FAXDC2: variants seen among roughly 807,000 people sequenced by gnomAD.
FAXDC2 encodes fatty acid hydroxylase domain containing 2.
FAXDC2 carries 41 observed loss-of-function variants against 40.9 expected under a neutral mutation model. That is an observed-to-expected ratio of 1.00 (90% confidence interval 0.78 to 1.30). The LOEUF is 1.30. Among genes scored for constraint, FAXDC2 ranks in the 50% most tolerant of loss-of-function variants. The probability of loss-of-function intolerance (pLI) is 0.00; values close to 1 mark genes in which losing one functional copy is unlikely to be tolerated. For synonymous variants in FAXDC2, 157 were observed against 149.3 expected (o/e 1.05, Z -0.38); for missense variants, 390 against 408.8 (o/e 0.95, Z 0.40).
At chr5:154,838,725 G>A (rs1760413193) in intron 1 of FAXDC2, 1 of 155,218 alleles carries the variant, frequency 6.4e-6, no homozygotes, top group Non-Finnish European at 1.4e-5. Flanking sequence ...AGCCTCCTGA[G>A]TAGCTGGGAC....
chr5:154,821,596 G>A (rs1268973437), intron 7 of FAXDC2, among the ~76,000 whole-genome samples, 170 bp from the exon 8 acceptor site: 2 of 152,102 alleles, frequency 1.3e-5, no homozygotes, highest in Non-Finnish European at 2.9e-5. Context: ...TTGTAACTTG[G>A]GACAAATTAC....
At chr5:154,843,691 AAGAT>A (rs1468080669) in intron 1 of FAXDC2, among the ~76,000 whole-genome samples, 2 of 152,354 alleles carry the variant, frequency 1.3e-5, no homozygotes, top group South Asian at 4.1e-4. Flanking sequence ...ATAGTTAAAC[AAGAT>A]AGATAGAAGA....
At chr5:154,845,201 C>T (rs1486589538) in intron 1 of FAXDC2, among the ~76,000 whole-genome samples, 1 of 152,194 alleles carries the variant, frequency 6.6e-6, no homozygotes, top group Non-Finnish European at 1.5e-5. Flanking sequence ...TGCCTCTCTG[C>T]CCGCCTGCAG....
intron 4 of FAXDC2, among the ~76,000 whole-genome samples, chr5:154,834,261 C>T (rs1760264054): frequency 6.6e-6 from 1 of 152,114 alleles, no homozygotes; most frequent in Non-Finnish European, 1.5e-5. Context: ...TGCTGTCAAG[C>T]ACTGACTGTA....
At chr5:154,842,518 T>G (rs1561660715) in intron 1 of FAXDC2, among the ~76,000 whole-genome samples, 2 of 110,154 alleles carry the variant, frequency 1.8e-5, no homozygotes, top group South Asian at 3.3e-4. Context: ...GTGTGTTTTT[T>G]TTTTTTTTTT....
intron 4 of FAXDC2, among the ~76,000 whole-genome samples, chr5:154,832,592 A>G (rs1760221741): frequency 6.6e-6 from 1 of 152,212 alleles, no homozygotes; most frequent in Admixed American, 6.5e-5. Flanking sequence ...CAAGGTGTCT[A>G]CCTACTTGGA....
Position 154,834,887 on chromosome 5 carries a change from G to A in FAXDC2, c.96C>T (p.Gly32=), listed in dbSNP as rs1487816593. 2.5e-6 allele frequency: 4 copies of A among 1,610,026 alleles called. No homozygotes were observed. Among genetic ancestry groups the A allele is most frequent in the Non-Finnish European group, 3.4e-6 (4 of 1,177,928 alleles). Reference sequence around the variant, plus strand: ...AGGCCACAAATGAGAGAAGTCCAGAGCCCAGGATGAAAGCTGTCCTCCTCA... The same window carrying A: ...AGGCCACAAATGAGAGAAGTCCAGAACCCAGGATGAAAGCTGTCCTCCTCA... ...GSMRRTAFIL[G]SGLLSFVAFW... The change falls in exon 3 of 9, where the codon GGC becomes GGT. Residue 32 remains glycine, a synonymous_variant. Coordinates refer to ENST00000326080, the MANE Select transcript of FAXDC2 (RefSeq NM_032385.5).
chr5:154,832,959 A>G (rs1415570944), intron 4 of FAXDC2, among the ~76,000 whole-genome samples: 4 of 152,164 alleles, frequency 2.6e-5, no homozygotes, highest in African/African-American at 4.8e-5. Context: ...TTTGCTTTAT[A>G]GCAACTGACA....
rs1760396579 is a variant in FAXDC2 at position 154,838,113 on chromosome 5, C to T, written c.48+18G>A. 1 of 1,562,422 alleles carries T rather than the reference C, an allele frequency of 6.4e-7. No individual in the cohort carries two copies. The highest frequency in any genetic ancestry group is 1.4e-5 in the African/African-American group (1 of 73,848). ...GACTACATTCTCACCAGTTTGGGGG[C>T]AAGGTGCTGGCATTTACCTGCTTTG... On this transcript the variant is annotated intron_variant, in intron 2 of 8. Transcript: ENST00000326080.
intron 1 of FAXDC2, among the ~76,000 whole-genome samples, chr5:154,847,163 C>CTAT (rs1368856078): frequency 6.6e-6 from 1 of 151,962 alleles, no homozygotes; most frequent in Admixed American, 6.6e-5. Flanking sequence ...TGGGGTCTCC[C>CTAT]TATGTTGCCC....
Position 154,820,457 on chromosome 5 carries a change from A to T in FAXDC2, c.861T>A (p.Tyr287Ter). The T allele has an allele frequency of 6.2e-7, 1 of 1,611,924 alleles. No individual in the cohort carries two copies. The highest frequency in any genetic ancestry group is 8.5e-7 in the Non-Finnish European group (1 of 1,178,966). The change falls in exon 9 of 9, where the codon TAT becomes TAA. Residue 287 changes from tyrosine (Y) to a stop codon, truncating the protein, a stop_gained. Coordinates refer to ENST00000326080, the MANE Select transcript of FAXDC2 (RefSeq NM_032385.5). LOFTEE classifies it high-confidence loss of function. ...GGTGGTCCAGCACACCCAGCACCCC[A>T]TAGCACTGGTTGAACCTAGAAGAGA... ...DYHHLKFNQC[Y>*]GVLGVLDHLH...
chr5:154,841,846 C>T (rs1185180454), intron 1 of FAXDC2, among the ~76,000 whole-genome samples: 1 of 152,042 alleles, frequency 6.6e-6, no homozygotes, highest in Admixed American at 6.6e-5. Context: ...AGCGATTATC[C>T]TGCCTCGGTC....
At position 154,845,976 on chromosome 5, in the gene FAXDC2, T is replaced by TA. The variant is rs1582542666; in HGVS notation, c.-1+4506_-1+4507insT. Among the ~76,000 whole-genome samples the TA allele has an allele frequency of 4.8e-5, 7 of 147,034 alleles. No individual in the cohort carries two copies. In the East Asian group the frequency reaches 1.0e-3, roughly 21 times the overall value. ...AATTTTTGTATATATATATATATAT[T>TA]TTTTTTTAGTAGAGACGGGGTTTCA... On this transcript the variant is annotated intron_variant, in intron 1 of 8. Transcript: ENST00000326080.
In FAXDC2 at chr5:154,820,368, C is replaced by T. The variant is rs760480211; in HGVS notation, c.950G>A (p.Gly317Asp). 8.1e-6 allele frequency: 13 copies of T among 1,613,294 alleles called. No individual in the cohort carries two copies. Among genetic ancestry groups the T allele is most frequent in the African/African-American group, 1.3e-5 (1 of 74,956 alleles). Residue 317 changes from glycine (G) to aspartate (D), a missense_variant, in exon 9 of 9, where the codon GGC becomes GAC. Physicochemically the swap from Gly to Asp is moderately conservative, Grantham distance 94. Transcript: ENST00000326080. ...KAYERHVLLLGFTPLSESIPD... is the reference protein window; with the variant it reads ...KAYERHVLLLDFTPLSESIPD... ...GATGCTCTCAGAGAGCGGGGTGAAG[C>T]CCAGCAGGAGGACATGTCTCTCGTA...
rs386358555 is a variant in FAXDC2 at position 154,825,650 on chromosome 5, CAAA to C, written c.367-2061_367-2059del. On this transcript the variant is annotated intron_variant, in intron 5 of 8. Transcript: ENST00000326080. ...TGGGTGACAGAGTGAGACTCCGTCT[CAAA>C]AAAAAAAAAAAAAAAGCAGTAATAT... is the stretch of plus-strand genomic sequence containing the variant. Among the ~76,000 whole-genome samples the C allele has an allele frequency of 1.2e-3, 35 of 30,152 alleles. 6 individuals carry two copies. Among genetic ancestry groups the C allele is most frequent in the African/African-American group, 2.3e-3 (15 of 6,458 alleles). 19.8% of individuals were successfully genotyped at this position (30,152 alleles called of 152,430 possible). A position where few individuals can be genotyped will look rare whatever the true frequency, so the allele number is the denominator to read the frequency against.
intron 6 of FAXDC2, 93 bp downstream of exon 6, chr5:154,823,294 G>T: frequency 5.1e-6 from 6 of 1,178,346 alleles, no homozygotes; most frequent in Middle Eastern, 2.8e-4. Context: ...GATTACAAGC[G>T]TGAGTCACTG....
At chr5:154,839,866 A>G (rs1238561132) in intron 1 of FAXDC2, among the ~76,000 whole-genome samples, 2 of 152,178 alleles carry the variant, frequency 1.3e-5, no homozygotes, top group South Asian at 2.1e-4. Flanking sequence ...ACCTGAGACT[A>G]ACTAAACTCA....
At chr5:154,838,257 G>T in intron 1 of FAXDC2, 79 bp from the exon 2 acceptor site, 2 of 1,312,038 alleles carry the variant, frequency 1.5e-6, no homozygotes, top group Non-Finnish European at 2.1e-6. Context: ...GAAAGTCAAA[G>T]TGTATGGCTA....
chr5:154,825,644 C>A (rs1760009391), intron 5 of FAXDC2, among the ~76,000 whole-genome samples: 4 of 5,038 alleles, frequency 7.9e-4, no homozygotes, highest in Non-Finnish European at 2.0e-3. Flanking sequence ...GAGTGAGACT[C>A]CGTCTCAAAA....
Sources: allele counts gnomAD v4.1 joint callset (sites outside exome capture counted in the v4.1 genomes callset), GRCh38; gene constraint gnomAD v4.1.1; transcripts MANE v1.5; gene names NCBI Gene and HGNC (gene_info 2026-07-23, HGNC 2026-07-21).